CCT4: variants seen among roughly 807,000 people sequenced by gnomAD.
CCT4 encodes the protein T-complex protein 1 subunit delta.
CCT4 carries 17 observed loss-of-function variants against 62.5 expected under a neutral mutation model. That is an observed-to-expected ratio of 0.27 (90% CI 0.19 to 0.41). The LOEUF is 0.41. Among genes scored for constraint, CCT4 ranks in the 10% least tolerant of loss-of-function variants. CCT4 has a pLI of 1.00. For synonymous variants in CCT4, 250 were observed against 229.9 expected, an observed-to-expected ratio of 1.09 and a Z score of -0.79; for missense variants, 592 against 659.2, an observed-to-expected ratio of 0.90 and a Z score of 1.12.
At chr2:61,884,367 G>A (rs1451086940) in intron 2 of CCT4, among the ~76,000 whole-genome samples, 1 of 151,772 alleles carries the variant, frequency 6.6e-6, no homozygotes. Flanking sequence ...GCAGCTGCGC[G>A]ATCTCGGCTC....
chr2:61,876,899 T>C (rs1669011985), intron 7 of CCT4, 21 bp downstream of exon 7: 1 of 1,578,750 alleles, frequency 6.3e-7, no homozygotes. Context: ...AGAGAACCAA[T>C]TTCATTTGGA....
rs180690702 is a variant in CCT4, at chr2:61,868,386, G to A, written c.*306C>T. On this transcript the variant is annotated 3_prime_UTR_variant, in exon 14 of 14. Transcript: ENST00000394440. ...GCCAGGGAGCATTTATCAGTGATGA[G>A]CATATTGGGCCATTTTTTTCCTCAA... is the stretch of plus-strand genomic sequence containing the variant. The A allele has an allele frequency of 8.3e-5, 28 of 338,546 alleles. No individual in the cohort carries two copies. Among genetic ancestry groups the A allele is most frequent in the Admixed American group, 2.9e-4 (7 of 23,836 alleles). The allele number at this position is 338,546 out of a possible 1,614,324, so 21.0% of individuals were successfully genotyped here.
At chr2:61,883,761 TGAA>T (rs1188709840) in intron 2 of CCT4, among the ~76,000 whole-genome samples, 1 of 128,560 alleles carries the variant, frequency 7.8e-6, no homozygotes, top group African/African-American at 2.7e-5. Flanking sequence ...AATCTAAAAG[TGAA>T]GAAATGTAGA....
intron 8 of CCT4, among the ~76,000 whole-genome samples, chr2:61,875,567 A>G (rs1219796622): frequency 1.4e-5 from 2 of 141,862 alleles, no homozygotes; most frequent in African/African-American, 5.3e-5. Flanking sequence ...TGGATGACAG[A>G]GTGAGACTCT....
rs1369586973 is a variant in CCT4, at chr2:61,873,009, A to G, written c.1118T>C (p.Leu373Pro). ...EEVNLNGSGK[L>P]LKITGCASPG... The stretch of plus-strand genomic sequence containing the variant: ...TAAGTGTAATACTGTTACCTTGAGC[A>G]GTTTGCCAGAACCATTTAAATTGAC... The change falls in exon 10 of 14, where the codon CTG (leucine) becomes CCG (proline). Residue 373 changes from leucine (L) to proline (P), a missense_variant. Coordinates refer to ENST00000394440, the MANE Select transcript of CCT4 (RefSeq NM_006430.4). 1.9e-6 allele frequency: 3 copies of G among 1,572,886 alleles called. No individual in the cohort carries two copies. The highest frequency in any genetic ancestry group is 2.6e-6 in the Non-Finnish European group (3 of 1,142,422).
At chr2:61,888,117 C>G (rs1669301557) in intron 1 of CCT4, 3 of 393,364 alleles carry the variant, frequency 7.6e-6, no homozygotes, top group Non-Finnish European at 1.4e-5. Context: ...CTTTCGGCTC[C>G]AATATGAATG....
At chr2:61,885,097 A>G (rs1669219083) in intron 1 of CCT4, 25 bp from the exon 2 acceptor site, 1 of 1,485,784 alleles carries the variant, frequency 6.7e-7, no homozygotes, top group Non-Finnish European at 8.9e-7. Flanking sequence ...GAAAAAAAAG[A>G]AAACAAATTA....
rs542691380 is a variant in CCT4 at position 61,871,607 on chromosome 2, T to C, written c.1491+475A>G. On this transcript the variant is annotated intron_variant, in intron 12 of 13. Transcript: ENST00000394440. ...AGTTCTTTCCCATCATGTGTTTAAT[T>C]TGTCTCCTCAACAAAACATTAATAA... is the stretch of plus-strand genomic sequence containing the variant. Among the ~76,000 whole-genome samples the C allele has an allele frequency of 2.6e-5, 4 of 152,342 alleles. No individual in the cohort carries two copies. The East Asian group carries it at 7.7e-4, about 29-fold the overall frequency.
rs754316896 is a variant in CCT4 at position 61,872,136 on chromosome 2, T to A, written c.1437A>T (p.Glu479Asp). The change falls in exon 12 of 14, where the codon GAA (glutamate) becomes GAT (aspartate). Residue 479 changes from glutamate (E) to aspartate (D), a missense_variant. Physicochemically the swap from Glu to Asp is conservative, Grantham distance 45. Coordinates refer to ENST00000394440, the MANE Select transcript of CCT4 (RefSeq NM_006430.4). ...AGLNPISTVT[E>D]LRNRHAQGEK... ...CTCCCTGGGCATGCCGGTTTCTTAGTTCTGTTACTGTAGAAATGGGATTCA... is the reference window on the plus strand; with the variant it reads ...CTCCCTGGGCATGCCGGTTTCTTAGATCTGTTACTGTAGAAATGGGATTCA... The A allele has an allele frequency of 3.1e-6, 5 of 1,613,940 alleles. No individual in the cohort carries two copies. The highest frequency in any genetic ancestry group is 4.2e-6 in the Non-Finnish European group (5 of 1,179,990).
chr2:61,883,407 ACT>A lies in CCT4; in HGVS notation c.270+50_270+51del, dbSNP rs369726840. 1.2e-3 allele frequency: 1,071 copies of A among 897,336 alleles called. 4 individuals are homozygous for A. In the African/African-American group the frequency reaches 0.02, roughly 16 times the overall value. The allele number at this position is 897,336 out of a possible 1,614,324, so 55.6% of individuals were successfully genotyped here. A position where few individuals can be genotyped will look rare whatever the true frequency, so the allele number is the denominator to read the frequency against. On this transcript the variant is annotated intron_variant, in intron 3 of 13. Coordinates refer to ENST00000394440, the MANE Select transcript of CCT4 (RefSeq NM_006430.4). ...ACTCTAGCCTGGATGACAGAGCAAG[ACT>A]CTGTCTCAAAAAAAAAAAAAAAAAA... is the stretch of plus-strand genomic sequence containing the variant.
In CCT4 at chr2:61,878,920, C is replaced by G; in HGVS notation, c.471G>C (p.Leu157=). Residue 157 remains leucine, a synonymous_variant, in exon 5 of 14, where the codon CTG becomes CTC. Transcript: ENST00000394440. ...ILTDMSRPVE[L]SDRETLLNSA... ...TATTTAACAAAGTTTCTCTGTCACT[C>G]AGTTCCACAGGTCGAGACATGTCAG... 1.9e-6 allele frequency: 3 copies of G among 1,611,622 alleles called. No homozygotes were observed. The highest frequency in any genetic ancestry group is 2.2e-5 in the East Asian group (1 of 44,832).
At chr2:61,873,624 G>A (rs1016593621) in intron 8 of CCT4, among the ~76,000 whole-genome samples, 2 of 152,050 alleles carry the variant, frequency 1.3e-5, no homozygotes, top group Non-Finnish European at 2.9e-5. Flanking sequence ...GGAGTGCAAT[G>A]GCACGATCTT....
At chr2:61,871,229 A>G (rs66650825) in intron 12 of CCT4, among the ~76,000 whole-genome samples, 90,724 of 151,432 alleles carry the variant, frequency 0.6, 27,804 homozygotes, top group Middle Eastern at 0.76. Context: ...GTAGAGACGG[A>G]ATTTTGCCAT....
At position 61,869,039 on chromosome 2, in the gene CCT4, G is replaced by A. The variant is rs564400513; in HGVS notation, c.1606-333C>T. ...AATCCCAGCTACTTGGGAGGTGGGA[G>A]ACTGAGGCAAGAGAATCGCTTGAAC... On this transcript the variant is annotated intron_variant, in intron 13 of 13. Coordinates refer to ENST00000394440, the MANE Select transcript of CCT4 (RefSeq NM_006430.4). Among the ~76,000 whole-genome samples the A allele has an allele frequency of 3.3e-5, 5 of 150,934 alleles. No individual in the cohort carries two copies. The East Asian group carries it at 9.7e-4, about 29-fold the overall frequency.
In CCT4 at chr2:61,869,795, G is replaced by A. The variant is rs947175757; in HGVS notation, c.1492-242C>T. ...ACTACAGGCGCCCACCACCATGCCCGGCTAATTTTTTGTATTTTTAGTAGA... is the reference window on the plus strand; with the variant it reads ...ACTACAGGCGCCCACCACCATGCCCAGCTAATTTTTTGTATTTTTAGTAGA... On this transcript the variant is annotated intron_variant, in intron 12 of 13. Transcript: ENST00000394440. Among the ~76,000 whole-genome samples the A allele has an allele frequency of 9.9e-5, 15 of 151,694 alleles. No individual in the cohort carries two copies. In the South Asian group the frequency reaches 2.1e-3, roughly 21 times the overall value.
chr2:61,880,712 A>C (rs1003872785), intron 3 of CCT4, among the ~76,000 whole-genome samples: 1 of 151,806 alleles, frequency 6.6e-6, no homozygotes, highest in Non-Finnish European at 1.5e-5. Context: ...AGAGTATCAA[A>C]CTTTTTTTTT....
Position 61,872,189 on chromosome 2 carries a change from G to C in CCT4, c.1384C>G (p.Pro462Ala). Residue 462 changes from proline to alanine, a missense_variant, in exon 12 of 14, where the codon CCA (proline) becomes GCA (alanine). Transcript: ENST00000394440. Reference sequence around the variant, plus strand: ...CCGGCATTTTCAGCTAGTGTAGATGGAATGACCTCCATAGCATCTGCAAAA... The same window carrying C: ...CCGGCATTTTCAGCTAGTGTAGATGCAATGACCTCCATAGCATCTGCAAAA... ...RAFADAMEVI[P>A]STLAENAGLN... The C allele has an allele frequency of 6.2e-7, 1 of 1,613,602 alleles. No homozygotes were observed. Among genetic ancestry groups the C allele is most frequent in the Admixed American group, 1.7e-5 (1 of 59,978 alleles).
intron 12 of CCT4, among the ~76,000 whole-genome samples, chr2:61,870,547 CT>C (rs1668861962): frequency 1.3e-5 from 2 of 151,970 alleles, no homozygotes; most frequent in Admixed American, 1.3e-4. Flanking sequence ...CCCGGGATTA[CT>C]CCTGATGGCC....
intron 13 of CCT4, chr2:61,868,938 C>G: frequency 2.2e-6 from 1 of 449,104 alleles, no homozygotes; most frequent in Non-Finnish European, 4.1e-6. Flanking sequence ...AGTTCGAGAC[C>G]AGCCTGACCA....
Sources: allele counts gnomAD v4.1 joint callset (sites outside exome capture counted in the v4.1 genomes callset), GRCh38; gene constraint gnomAD v4.1.1; transcripts MANE v1.5; gene names NCBI Gene and HGNC (gene_info 2026-07-23, HGNC 2026-07-21).